The following MYOZ2 variants were observed in gnomAD, a reference collection of about 807,000 sequenced individuals.
MYOZ2 encodes the protein myozenin 2, also known as myozenin-2.
MYOZ2 carries 19 observed loss-of-function variants against 25.4 expected under a neutral mutation model. That is an observed-to-expected ratio of 0.75 (90% CI 0.52 to 1.10). MYOZ2 has a LOEUF of 1.10. Among genes scored for constraint, MYOZ2 ranks in the 50% least tolerant of loss-of-function variants. The pLI is 0.00. For missense variants in MYOZ2, 270 were observed against 317.9 expected (o/e 0.85, Z 1.15); for synonymous variants, 92 against 106.9 (o/e 0.86, Z 0.86).
At chr4:119,146,292 T>G (rs1026709955) in intron 2 of MYOZ2, among the ~76,000 whole-genome samples, 1 of 152,028 alleles carries the variant, frequency 6.6e-6, no homozygotes, top group Non-Finnish European at 1.5e-5. Flanking sequence ...TCATCTTTTT[T>G]TTTTAGATTT....
At chr4:119,152,315 G>A (rs1481645044) in intron 3 of MYOZ2, among the ~76,000 whole-genome samples, 1 of 151,998 alleles carries the variant, frequency 6.6e-6, no homozygotes, top group African/African-American at 2.4e-5. Context: ...CCCATCTGCT[G>A]GAGTCTATGT....
At chr4:119,136,663 C>G (rs111321372) in intron 2 of MYOZ2, 62 bp downstream of exon 2, 1 of 1,500,368 alleles carries the variant, frequency 6.7e-7, no homozygotes, top group South Asian at 1.2e-5. Context: ...TCCATCCTGA[C>G]GTTGTTTAAT....
intron 5 of MYOZ2, among the ~76,000 whole-genome samples, chr4:119,183,770 T>C (rs555515045): frequency 6.6e-6 from 1 of 152,078 alleles, no homozygotes; most frequent in East Asian, 1.9e-4. Context: ...AGTCATCATT[T>C]CTTGCTTGAG....
chr4:119,160,687 T>C (rs1337208051), intron 4 of MYOZ2, among the ~76,000 whole-genome samples: 1 of 151,942 alleles, frequency 6.6e-6, no homozygotes, highest in African/African-American at 2.4e-5. Context: ...TCAACACACT[T>C]TTCTGTATCT....
intron 2 of MYOZ2, among the ~76,000 whole-genome samples, chr4:119,148,769 CAA>C (rs372182068): frequency 2.6e-5 from 2 of 77,402 alleles, no homozygotes; most frequent in African/African-American, 4.9e-5. Context: ...GAGTCATTGG[CAA>C]AAAAAAAAAA....
intron 4 of MYOZ2, 87 bp from the exon 5 acceptor site, chr4:119,164,124 T>A (rs1741766799): frequency 7.7e-7 from 1 of 1,294,550 alleles, no homozygotes; most frequent in East Asian, 2.4e-5. Context: ...TATCCCAGCA[T>A]GAAAAATCAA....
intron 2 of MYOZ2, among the ~76,000 whole-genome samples, chr4:119,146,867 C>T (rs1220823736): frequency 6.6e-6 from 1 of 152,062 alleles, no homozygotes; most frequent in Admixed American, 6.6e-5. Context: ...TTTAGTTCTA[C>T]TTTTTTACTT....
intron 2 of MYOZ2, among the ~76,000 whole-genome samples, chr4:119,137,438 T>C (rs1370168762): frequency 6.6e-6 from 1 of 152,172 alleles, no homozygotes; most frequent in Non-Finnish European, 1.5e-5. Context: ...TAGTGGCATT[T>C]TCAGAATGCC....
At chr4:119,151,144 A>C (rs1381579793) in intron 3 of MYOZ2, 103 bp downstream of exon 3, 2 of 1,233,222 alleles carry the variant, frequency 1.6e-6, no homozygotes, top group Non-Finnish European at 2.3e-6. Context: ...ATTTTCTTTC[A>C]ATTTATTCTG....
At chr4:119,154,455 C>T (rs1012429011) in intron 3 of MYOZ2, among the ~76,000 whole-genome samples, 9 of 152,076 alleles carry the variant, frequency 5.9e-5, no homozygotes, top group Non-Finnish European at 1.3e-4. Flanking sequence ...TGCTTATTTT[C>T]TTAACGATGA....
chr4:119,158,916 A>T (rs1424909898), intron 4 of MYOZ2, among the ~76,000 whole-genome samples: 1 of 152,218 alleles, frequency 6.6e-6, no homozygotes, highest in Non-Finnish European at 1.5e-5. Flanking sequence ...GACCATAGTC[A>T]ATAGTAACCT....
intron 2 of MYOZ2, among the ~76,000 whole-genome samples, chr4:119,144,724 T>C (rs1741247823): frequency 6.6e-6 from 1 of 152,250 alleles, no homozygotes; most frequent in African/African-American, 2.4e-5. Context: ...TTTCAAATGC[T>C]TATTTGCCAT....
intron 3 of MYOZ2, among the ~76,000 whole-genome samples, chr4:119,151,566 GGACAGA>G (rs1185924088): frequency 1.3e-5 from 2 of 151,710 alleles, no homozygotes; most frequent in Non-Finnish European, 2.9e-5. Flanking sequence ...ATAACTCTTT[GGACAGA>G]GATTTCCCCA....
At chr4:119,177,227 C>G (rs1742093479) in intron 5 of MYOZ2, among the ~76,000 whole-genome samples, 1 of 152,184 alleles carries the variant, frequency 6.6e-6, no homozygotes, top group African/African-American at 2.4e-5. Flanking sequence ...TCATCTTCCT[C>G]TCGTCTCTCT....
At chr4:119,170,342 A>T (rs955309281) in intron 5 of MYOZ2, among the ~76,000 whole-genome samples, 1 of 151,722 alleles carries the variant, frequency 6.6e-6, no homozygotes, top group Non-Finnish European at 1.5e-5. Context: ...GCTAAAAAAA[A>T]TTTTCATAAG....
chr4:119,164,599 T>C (rs1368012110), intron 5 of MYOZ2, among the ~76,000 whole-genome samples: 1 of 152,190 alleles, frequency 6.6e-6, no homozygotes, highest in Non-Finnish European at 1.5e-5. Flanking sequence ...ATTTTTAGTA[T>C]AAAAATGAAG....
intron 5 of MYOZ2, among the ~76,000 whole-genome samples, chr4:119,179,525 T>G (rs1337901519): frequency 6.6e-6 from 1 of 152,238 alleles, no homozygotes; most frequent in African/African-American, 2.4e-5. Context: ...TATAATATTA[T>G]GAATTTATCT....
intron 4 of MYOZ2, 81 bp from the exon 5 acceptor site, chr4:119,164,130 A>T: frequency 7.3e-7 from 1 of 1,361,458 alleles, no homozygotes; most frequent in Non-Finnish European, 1.0e-6. Context: ...AGCATGAAAA[A>T]TCAAACATGG....
chr4:119,146,502 T>A (rs912061399), intron 2 of MYOZ2, among the ~76,000 whole-genome samples: 1 of 152,134 alleles, frequency 6.6e-6, no homozygotes, highest in Non-Finnish European at 1.5e-5. Context: ...TTTAGAAGTA[T>A]GTTGATTAGT....
Sources: allele counts gnomAD v4.1 joint callset (sites outside exome capture counted in the v4.1 genomes callset), GRCh38; gene constraint gnomAD v4.1.1; transcripts MANE v1.5; gene names NCBI Gene and HGNC (gene_info 2026-07-23, HGNC 2026-07-21).